NAAA: variants seen among roughly 807,000 people sequenced by gnomAD.
NAAA encodes the protein N-acylethanolamine acid amidase.
NAAA carries 39 observed loss-of-function variants against 44.8 expected under a neutral mutation model. That is an observed-to-expected ratio of 0.87 (90% CI 0.67 to 1.14). NAAA has a LOEUF of 1.14. Among genes scored for constraint, NAAA ranks in the 50% most tolerant of loss-of-function variants. The pLI, the probability that NAAA is intolerant of heterozygous loss-of-function variation, is 0.00. For synonymous variants in NAAA, 178 were observed against 191.3 expected (o/e 0.93, Z 0.58); for missense variants, 460 against 467.8 (o/e 0.98, Z 0.15).
intron 8 of NAAA, chr4:75,919,545 C>T (rs113421909): frequency 0.062 from 17,654 of 286,528 alleles, 1,048 homozygotes; most frequent in African/African-American, 0.18. Flanking sequence ...GTGGCGCAAT[C>T]TCGGCTCACT....
chr4:75,936,110 T>C lies in NAAA; in HGVS notation c.497A>G (p.Gln166Arg), dbSNP rs1727690331. The C allele has an allele frequency of 2.5e-6, 4 of 1,613,990 alleles. No individual in the cohort carries two copies. Among genetic ancestry groups the C allele is most frequent in the Non-Finnish European group, 3.4e-6 (4 of 1,180,014 alleles). ...TATCTTATATGGTACGGATTATACC[T>C]GCCCATTCTTTAAGAATTGCACATC... is the stretch of plus-strand genomic sequence containing the variant. ...TVDVQFLKNG[Q>R]IAFTGTTFIG... Residue 166 changes from glutamine to arginine, a missense_variant and splice_region_variant, in exon 3 of 11, where the codon CAG becomes CGG. Gln to Arg is a conservative substitution (Grantham distance 43). Coordinates refer to ENST00000286733, the MANE Select transcript of NAAA (RefSeq NM_014435.4).
rs72651371 is a variant in NAAA, at chr4:75,917,152, A to T, written c.998+1609T>A. ...AAAAGTAGTTTATTAACCCCCATTT[A>T]AAAAATGACTATTAAAAGGGCAACA... On this transcript the variant is annotated intron_variant, in intron 9 of 10. Transcript: ENST00000286733. 2,845 of 894,040 alleles carry T rather than the reference A, an allele frequency of 3.2e-3. 11 individuals carry two copies. The highest frequency in any genetic ancestry group is 4.1e-3 in the Middle Eastern group (7 of 1,722). The allele number at this position is 894,040 out of a possible 1,614,324, so 55.4% of individuals were successfully genotyped here.
chr4:75,920,920 C>A, intron 6 of NAAA, 31 bp downstream of exon 6: 1 of 1,613,516 alleles, frequency 6.2e-7, no homozygotes, highest in Non-Finnish European at 8.5e-7. Flanking sequence ...TTATCTGATA[C>A]AAAATGACCA....
At chr4:75,932,535 T>C (rs1727318744) in intron 3 of NAAA, among the ~76,000 whole-genome samples, 1 of 152,064 alleles carries the variant, frequency 6.6e-6, no homozygotes, top group South Asian at 2.1e-4. Flanking sequence ...GAGGCTGGAG[T>C]GCAATGGTGC....
downstream of NAAA, among the ~76,000 whole-genome samples, chr4:75,912,477 C>T (rs185724736): frequency 1.1e-4 from 16 of 151,822 alleles, no homozygotes; most frequent in Non-Finnish European, 2.2e-4. Flanking sequence ...TCGCTTGAAC[C>T]CAGGAGGCGG....
At position 75,914,223 on chromosome 4, in the gene NAAA, G is replaced by A. The variant is rs1725460159; in HGVS notation, c.*152C>T. 1.0e-6 allele frequency: 1 copy of A among 985,766 alleles called. No individual in the cohort carries two copies. Among genetic ancestry groups the A allele is most frequent in the Non-Finnish European group, 1.2e-6 (1 of 829,940 alleles). The allele number at this position is 985,766 out of a possible 1,614,324, so 61.1% of individuals were successfully genotyped here. Reference sequence around the variant, plus strand: ...AAATCTCCTGGACCCACTTCGCAAGGTTGTAAAGTTAAATGAGGAAGGAGC... The same window carrying A: ...AAATCTCCTGGACCCACTTCGCAAGATTGTAAAGTTAAATGAGGAAGGAGC... On this transcript the variant is annotated 3_prime_UTR_variant, in exon 11 of 11. Transcript: ENST00000286733.
chr4:75,938,794 T>TA (rs1727955684), intron 2 of NAAA, among the ~76,000 whole-genome samples: 1 of 152,202 alleles, frequency 6.6e-6, no homozygotes, highest in Admixed American at 6.5e-5. Flanking sequence ...CCTTTAGTGG[T>TA]CCCCTGCACT....
intron 2 of NAAA, among the ~76,000 whole-genome samples, chr4:75,938,957 C>A (rs1727972214): frequency 6.6e-6 from 1 of 152,218 alleles, no homozygotes; most frequent in African/African-American, 2.4e-5. Context: ...TCAAGTGATT[C>A]TCCTGCCTCG....
Position 75,928,651 on chromosome 4 carries a change from G to T in NAAA, c.589+2563C>A, listed in dbSNP as rs142325160. The stretch of plus-strand genomic sequence containing the variant: ...AAGATGGCTGGATGCTCCAGTCTAG[G>T]ACTCAGAGGAGGCCAGGCCTGGAGA... On this transcript the variant is annotated intron_variant, in intron 4 of 10. Transcript: ENST00000286733. Among the ~76,000 whole-genome samples the T allele has an allele frequency of 0.011, 1,647 of 151,876 alleles. 62 individuals carry two copies. In the East Asian group the frequency reaches 0.11, roughly 10 times the overall value.
At chr4:75,912,552 T>C (rs959771226), downstream of NAAA, among the ~76,000 whole-genome samples, 1 of 127,470 alleles carries the variant, frequency 7.8e-6, no homozygotes, top group Non-Finnish European at 1.6e-5. Flanking sequence ...AGACTCTGTC[T>C]GGAAAAAAAA....
chr4:75,920,054 A>G, intron 7 of NAAA, 79 bp from the exon 8 acceptor site: 1 of 1,268,160 alleles, frequency 7.9e-7, no homozygotes, highest in Non-Finnish European at 1.2e-6. Context: ...TGGGAGGCAG[A>G]ATGCAAGCTC....
chr4:75,918,481 C>T (rs911988386), intron 9 of NAAA, among the ~76,000 whole-genome samples: 1 of 151,908 alleles, frequency 6.6e-6, no homozygotes, highest in African/African-American at 2.4e-5. Context: ...CCCAGAGCCT[C>T]CTTCAGGGTC....
chr4:75,922,750 C>T (rs1002083384), intron 5 of NAAA, among the ~76,000 whole-genome samples: 2 of 152,184 alleles, frequency 1.3e-5, no homozygotes, highest in African/African-American at 4.8e-5. Context: ...TTCAGTGAAC[C>T]ATCAGAGGGC....
chr4:75,912,462 T>C (rs1328075854), downstream of NAAA, among the ~76,000 whole-genome samples: 2 of 147,398 alleles, frequency 1.4e-5, no homozygotes, highest in Non-Finnish European at 3.0e-5. Flanking sequence ...GCTGAGGCAG[T>C]AGAATCGCTT....
At chr4:75,926,987 G>T (rs1374796990) in intron 4 of NAAA, among the ~76,000 whole-genome samples, 1 of 151,714 alleles carries the variant, frequency 6.6e-6, no homozygotes, top group African/African-American at 2.4e-5. Context: ...CTGAGTGACA[G>T]AGTGAGACTC....
chr4:75,911,279 G>A (rs191749503), downstream of NAAA: 815 of 512,378 alleles, frequency 1.6e-3, 6 homozygotes, highest in Middle Eastern at 5.5e-3. Flanking sequence ...ATGTATACGT[G>A]CAGGTCACAG....
intron 9 of NAAA, 123 bp from the exon 10 acceptor site, chr4:75,915,108 T>A: frequency 1.4e-6 from 1 of 709,944 alleles, no homozygotes. Flanking sequence ...TGCCAGAATA[T>A]TTTAAATCTA....
chr4:75,922,703 C>T (rs753473249), intron 5 of NAAA, among the ~76,000 whole-genome samples: 2 of 152,188 alleles, frequency 1.3e-5, no homozygotes, highest in Non-Finnish European at 2.9e-5. Context: ...ATTTGTATGC[C>T]TTTTCTCCAA....
intron 5 of NAAA, among the ~76,000 whole-genome samples, chr4:75,924,182 AC>A (rs1560506881): frequency 6.6e-6 from 1 of 152,190 alleles, no homozygotes; most frequent in Non-Finnish European, 1.5e-5. Context: ...CCCTGAGACA[AC>A]AAATCTAAGG....
Sources: allele counts gnomAD v4.1 joint callset (sites outside exome capture counted in the v4.1 genomes callset), GRCh38; gene constraint gnomAD v4.1.1; transcripts MANE v1.5; gene names NCBI Gene and HGNC (gene_info 2026-07-23, HGNC 2026-07-21).